The following SPATA9 variants were observed in gnomAD, a reference collection of about 807,000 sequenced individuals.
SPATA9 encodes spermatogenesis-associated protein 9.
SPATA9 carries 27 observed loss-of-function variants against 25.5 expected under a neutral mutation model. The ratio of observed to expected loss-of-function variants is 1.06; its 90% CI spans 0.78 to 1.46. SPATA9 has a LOEUF of 1.46. Among genes scored for constraint, SPATA9 ranks in the 40% most tolerant of loss-of-function variants. The pLI is 0.00. For synonymous variants in SPATA9, 102 were observed against 105.7 expected, an observed-to-expected ratio of 0.97 and a Z score of 0.21; for missense variants, 282 against 297.5, an observed-to-expected ratio of 0.95 and a Z score of 0.38.
chr5:95,731,055 G>T, the SPATA9 span: 3 of 1,064,356 alleles, frequency 2.8e-6, no homozygotes, highest in Non-Finnish European at 3.6e-6. Context: ...TTACGGCCTT[G>T]CGAGTTGAAC....
upstream of SPATA9, among the ~76,000 whole-genome samples, chr5:95,703,644 T>TA (rs533173151): frequency 0.035 from 4,952 of 143,414 alleles, 252 homozygotes; most frequent in African/African-American, 0.12. Context: ...CAAAAAAAAG[T>TA]AAAAAAAAAA....
the SPATA9 span, chr5:95,717,022 T>C: frequency 6.6e-6 from 1 of 152,326 alleles, no homozygotes; most frequent in South Asian, 2.1e-4. Flanking sequence ...TATGTCTTTA[T>C]TAGCAGCATG....
chr5:95,677,097 C>G (rs953124939), intron 2 of SPATA9, among the ~76,000 whole-genome samples: 11 of 152,212 alleles, frequency 7.2e-5, no homozygotes, highest in African/African-American at 2.7e-4. Flanking sequence ...GTCACTCTAC[C>G]AAAATCATCA....
chr5:95,696,240 C>A (rs1754018357), intron 1 of SPATA9, among the ~76,000 whole-genome samples: 1 of 152,124 alleles, frequency 6.6e-6, no homozygotes, highest in African/African-American at 2.4e-5. Flanking sequence ...TTTTAAGCTG[C>A]TAAATCTTGT....
At chr5:95,669,112 T>C (rs1232114233) in intron 3 of SPATA9, among the ~76,000 whole-genome samples, 1 of 152,212 alleles carries the variant, frequency 6.6e-6, no homozygotes, top group African/African-American at 2.4e-5. Flanking sequence ...CTCCTGACTT[T>C]AAAGAAAGCT....
chr5:95,664,497 C>A (rs546563836), intron 3 of SPATA9, among the ~76,000 whole-genome samples: 1 of 152,106 alleles, frequency 6.6e-6, no homozygotes. Flanking sequence ...CTGCTGAAGG[C>A]GAGCATTAAC....
At chr5:95,693,730 T>G (rs1450785848) in intron 1 of SPATA9, among the ~76,000 whole-genome samples, 2 of 152,236 alleles carry the variant, frequency 1.3e-5, no homozygotes, top group Admixed American at 6.5e-5. Context: ...AGAAAATTTT[T>G]TGTTATAAAT....
chr5:95,694,331 T>C (rs900818145), intron 1 of SPATA9, among the ~76,000 whole-genome samples: 9 of 152,192 alleles, frequency 5.9e-5, no homozygotes, highest in Non-Finnish European at 1.2e-4. Context: ...TTTAATCCCT[T>C]CAGCTATGGT....
the SPATA9 span, among the ~76,000 whole-genome samples, chr5:95,730,126 T>A: frequency 6.6e-6 from 1 of 151,990 alleles, no homozygotes. Context: ...TCTCCCATTA[T>A]ATCCTCTCTG....
intron 4 of SPATA9, among the ~76,000 whole-genome samples, chr5:95,662,142 T>C (rs908706773): frequency 6.6e-6 from 1 of 152,004 alleles, no homozygotes; most frequent in African/African-American, 2.4e-5. Flanking sequence ...GACACTTGAT[T>C]TATGCAAAAA....
chr5:95,691,089 G>T (rs997400903), intron 1 of SPATA9, among the ~76,000 whole-genome samples: 1 of 151,878 alleles, frequency 6.6e-6, no homozygotes. Flanking sequence ...GGTGGCGGGC[G>T]CCTGTAGTAC....
At chr5:95,667,388 A>C (rs1477337355) in intron 3 of SPATA9, among the ~76,000 whole-genome samples, 2 of 151,944 alleles carry the variant, frequency 1.3e-5, no homozygotes, top group African/African-American at 4.8e-5. Flanking sequence ...GGCCGTACTA[A>C]CTCCTAGATG....
At chr5:95,725,830 T>C in the SPATA9 span, among the ~76,000 whole-genome samples, 2 of 152,102 alleles carry the variant, frequency 1.3e-5, no homozygotes, top group Non-Finnish European at 2.9e-5. Flanking sequence ...TTTGAATGTT[T>C]AGTCAAAACA....
At chr5:95,682,488 A>G in intron 2 of SPATA9, 40 bp downstream of exon 2, 1 of 1,361,652 alleles carries the variant, frequency 7.3e-7, no homozygotes, top group Non-Finnish European at 1.0e-6. Context: ...AATAGAATAT[A>G]TTTTTTCTAT....
the SPATA9 span, among the ~76,000 whole-genome samples, chr5:95,705,636 G>C: frequency 6.6e-6 from 1 of 152,154 alleles, no homozygotes; most frequent in African/African-American, 2.4e-5. Context: ...TTGAGTATTT[G>C]TGGGGAGCTT....
At chr5:95,657,975 T>C (rs928238175), downstream of SPATA9, 1 of 152,308 alleles carries the variant, frequency 6.6e-6, no homozygotes, top group Non-Finnish European at 1.5e-5. Context: ...TACAGAAATA[T>C]TTTCTCATAG....
intron 1 of SPATA9, among the ~76,000 whole-genome samples, chr5:95,689,679 A>T (rs1484271115): frequency 6.6e-6 from 1 of 152,160 alleles, no homozygotes; most frequent in African/African-American, 2.4e-5. Flanking sequence ...TAATGTTAGG[A>T]ATAAAAAATT....
rs1359712892 is a variant in SPATA9 at position 95,664,043 on chromosome 5, T to G, written c.384A>C (p.Arg128Ser). 6 of 1,554,244 alleles carry G rather than the reference T, an allele frequency of 3.9e-6. No individual in the cohort carries two copies. The highest frequency in any genetic ancestry group is 5.2e-6 in the Non-Finnish European group (6 of 1,145,698). The change falls in exon 4 of 5, where the codon AGA becomes AGC. Residue 128 changes from arginine to serine, a missense_variant. Arg to Ser is a moderately radical substitution (Grantham distance 110). Coordinates refer to ENST00000274432, the MANE Select transcript of SPATA9 (RefSeq NM_031952.4). The stretch of plus-strand genomic sequence containing the variant: ...AGATGATTTCAAACAAAGAACCCTT[T>G]CTGACCTGCAAAAACAGAAAAGATT... ...PRQPLYNIQV[R>S]KGSLFEIISF...
chr5:95,654,336 C>T, downstream of SPATA9: 1 of 1,609,026 alleles, frequency 6.2e-7, no homozygotes, highest in Non-Finnish European at 8.5e-7. Context: ...TTTTCAGACT[C>T]AGGAGGACCT....
Sources: allele counts gnomAD v4.1 joint callset (sites outside exome capture counted in the v4.1 genomes callset), GRCh38; gene constraint gnomAD v4.1.1; transcripts MANE v1.5; gene names NCBI Gene and HGNC (gene_info 2026-07-23, HGNC 2026-07-21).